STAG1: variants seen among roughly 807,000 people sequenced by gnomAD.
STAG1 encodes the protein STAG1 cohesin complex component, also known as cohesin subunit SA-1.
A neutral mutation model predicts 170.9 loss-of-function variants in STAG1; 26 were observed. The ratio of observed to expected loss-of-function variants is 0.15; its 90% CI spans 0.11 to 0.21. The LOEUF (loss-of-function observed/expected upper bound fraction) is 0.21. STAG1 is among the 10% of genes least tolerant of loss of function. STAG1 has a pLI of 1.00. For synonymous variants in STAG1, 514 were observed against 497.7 expected (o/e 1.03, Z -0.44); for missense variants, 964 against 1,509.5 (o/e 0.64, Z 5.99).
At chr3:136,491,431 A>G (rs2090123507) in intron 9 of STAG1, among the ~76,000 whole-genome samples, 1 of 152,130 alleles carries the variant, frequency 6.6e-6, no homozygotes. Flanking sequence ...CCAATTCACT[A>G]ATTGTCTCCT....
chr3:136,735,697 C>T lies in STAG1; in HGVS notation c.-84+16498G>A, dbSNP rs565792145. On this transcript the variant is annotated intron_variant, in intron 1 of 33. Coordinates refer to ENST00000383202, the MANE Select transcript of STAG1 (RefSeq NM_005862.3). ...GCGCGATTTCTGCTACCTGCAACCT[C>T]CAACTCCCGGGTTCAAGCGATTCCC... is the stretch of plus-strand genomic sequence containing the variant. 2.0e-5 allele frequency among the ~76,000 whole-genome samples: 3 copies of T among 152,172 alleles called. No individual in the cohort carries two copies. The East Asian group carries it at 5.8e-4, about 29-fold the overall frequency.
chr3:136,593,475 TTC>T (rs1204173007), intron 4 of STAG1, among the ~76,000 whole-genome samples: 2 of 152,248 alleles, frequency 1.3e-5, no homozygotes, highest in African/African-American at 2.4e-5. Context: ...TAGCAGCTTC[TTC>T]CTTTTTAAAT....
At chr3:136,414,211 GA>G (rs200996872) in intron 21 of STAG1, among the ~76,000 whole-genome samples, 2 of 128,358 alleles carry the variant, frequency 1.6e-5, no homozygotes, top group South Asian at 5.7e-4. Flanking sequence ...TTTCATAAAA[GA>G]TTTCTCTGTA....
At chr3:136,557,297 G>A (rs1037360975) in intron 5 of STAG1, among the ~76,000 whole-genome samples, 1 of 152,084 alleles carries the variant, frequency 6.6e-6, no homozygotes, top group Non-Finnish European at 1.5e-5. Context: ...GCAGAATAGA[G>A]AACCCAGAAA....
intron 6 of STAG1, among the ~76,000 whole-genome samples, chr3:136,528,484 A>C (rs1935184809): frequency 1.9e-5 from 2 of 103,004 alleles, no homozygotes; most frequent in East Asian, 3.6e-4. Context: ...CCAGCAACAG[A>C]TGTCCCCGCA....
At chr3:136,403,017 C>G (rs540887621) in intron 21 of STAG1, among the ~76,000 whole-genome samples, 1 of 151,590 alleles carries the variant, frequency 6.6e-6, no homozygotes, top group South Asian at 2.1e-4. Flanking sequence ...CACCTGAGGT[C>G]AGGAGTTCTA....
rs182586697 is a variant in STAG1 at position 136,470,616 on chromosome 3, C to G, written c.1205+1797G>C. ...ATCTAGAACTAGAAATACCATTTGA[C>G]CCAGCCATCCCATTACTGGGTATAT... On this transcript the variant is annotated intron_variant, in intron 12 of 33. Coordinates refer to ENST00000383202, the MANE Select transcript of STAG1 (RefSeq NM_005862.3). Among the ~76,000 whole-genome samples, 515 of 152,254 alleles carry G rather than the reference C, an allele frequency of 3.4e-3. 7 individuals carry two copies. In the East Asian group the frequency reaches 0.049, roughly 14 times the overall value.
intron 4 of STAG1, among the ~76,000 whole-genome samples, chr3:136,587,755 G>C (rs893145753): frequency 1.3e-5 from 2 of 152,070 alleles, no homozygotes; most frequent in Non-Finnish European, 2.9e-5. Context: ...AGGAGGTGGA[G>C]ACCAGCTTGG....
intron 5 of STAG1, among the ~76,000 whole-genome samples, chr3:136,550,958 C>G (rs143387803): frequency 1.3e-5 from 2 of 151,986 alleles, no homozygotes; most frequent in African/African-American, 4.8e-5. Flanking sequence ...AAGTCACTAT[C>G]GATATGACTA....
chr3:136,523,146 T>C lies in STAG1; in HGVS notation c.472-1729A>G, dbSNP rs1263104042. ...CTAGATCCTTGAGGAATCGCCACAC[T>C]GTCTTCCACAATGGTTGAACTAGTT... On this transcript the variant is annotated intron_variant, in intron 6 of 33. Transcript: ENST00000383202. 3.9e-5 allele frequency among the ~76,000 whole-genome samples: 6 copies of C among 152,218 alleles called. No individual in the cohort carries two copies. In the East Asian group the frequency reaches 1.2e-3, roughly 29 times the overall value.
intron 1 of STAG1, among the ~76,000 whole-genome samples, chr3:136,662,569 C>T (rs1456560291): frequency 6.6e-6 from 1 of 152,060 alleles, no homozygotes; most frequent in Non-Finnish European, 1.5e-5. Context: ...CCTCAGCCTC[C>T]CAAGTAGCCA....
At chr3:136,615,634 C>T (rs1013071386) in intron 3 of STAG1, among the ~76,000 whole-genome samples, 22 of 150,956 alleles carry the variant, frequency 1.5e-4, no homozygotes, top group African/African-American at 5.1e-4. Flanking sequence ...AAAAATTATC[C>T]GGGCGTGATG....
chr3:136,475,141 T>C (rs1372741555), intron 10 of STAG1, among the ~76,000 whole-genome samples: 1 of 48,490 alleles, frequency 2.1e-5, no homozygotes, highest in Non-Finnish European at 6.2e-5. Flanking sequence ...TAGGTTCCTT[T>C]TTTTTTTTTT....
intron 1 of STAG1, among the ~76,000 whole-genome samples, chr3:136,731,612 G>T (rs1934046260): frequency 6.6e-6 from 1 of 152,224 alleles, no homozygotes; most frequent in South Asian, 2.1e-4. Context: ...TACTACCTAA[G>T]TTCTGAGTCT....
chr3:136,629,737 G>T (rs1012848279), intron 2 of STAG1, among the ~76,000 whole-genome samples: 8 of 152,102 alleles, frequency 5.3e-5, no homozygotes, highest in Non-Finnish European at 1.5e-5. Flanking sequence ...GAACTGAGTA[G>T]TAATAATATA....
chr3:136,507,256 G>C (rs1933813035), intron 7 of STAG1, among the ~76,000 whole-genome samples: 1 of 152,188 alleles, frequency 6.6e-6, no homozygotes, highest in African/African-American at 2.4e-5. Context: ...CATATAACAT[G>C]TTTAGAAAAA....
intron 4 of STAG1, among the ~76,000 whole-genome samples, chr3:136,579,876 A>G (rs970322435): frequency 6.6e-6 from 1 of 152,156 alleles, no homozygotes; most frequent in African/African-American, 2.4e-5. Context: ...GAAAAAAGCT[A>G]AAAGAAATGA....
intron 5 of STAG1, among the ~76,000 whole-genome samples, chr3:136,542,669 T>TGAAA (rs1363595375): frequency 8.0e-5 from 9 of 113,112 alleles, no homozygotes; most frequent in African/African-American, 1.9e-4. Flanking sequence ...CTGTTTGTAA[T>TGAAA]AAAAAAAAAA....
chr3:136,538,898 G>T (rs984690434), intron 6 of STAG1, among the ~76,000 whole-genome samples: 5 of 152,154 alleles, frequency 3.3e-5, no homozygotes, highest in Admixed American at 6.5e-5. Flanking sequence ...ACTTTGGGAG[G>T]CCGAGGCAGG....
Sources: allele counts gnomAD v4.1 joint callset (sites outside exome capture counted in the v4.1 genomes callset), GRCh38; gene constraint gnomAD v4.1.1; transcripts MANE v1.5; gene names NCBI Gene and HGNC (gene_info 2026-07-23, HGNC 2026-07-21).